Variants in SEMA3E observed in about 807,000 individuals in gnomAD.
SEMA3E encodes the protein semaphorin 3E.
SEMA3E carries 49 observed loss-of-function variants against 93.6 expected under a neutral mutation model. That is an observed-to-expected ratio of 0.52 (90% CI 0.42 to 0.66). The LOEUF (loss-of-function observed/expected upper bound fraction) is 0.66, where lower values mean the gene tolerates loss of function less well. Ranked by LOEUF, SEMA3E falls within the 30% of genes least tolerant of loss-of-function variation. SEMA3E has a pLI of 0.00. For synonymous variants in SEMA3E, 363 were observed against 330.7 expected (o/e 1.10, Z -1.06); for missense variants, 906 against 964.8 (o/e 0.94, Z 0.81).
At chr7:83,392,421 A>T in intron 14 of SEMA3E, 134 bp downstream of exon 14, 1 of 980,656 alleles carries the variant, frequency 1.0e-6, no homozygotes, top group Non-Finnish European at 1.5e-6. Flanking sequence ...GGTCAACAGC[A>T]TGTTCAGTGC....
At chr7:83,587,861 A>G (rs1006328320) in intron 1 of SEMA3E, among the ~76,000 whole-genome samples, 5 of 152,016 alleles carry the variant, frequency 3.3e-5, no homozygotes, top group African/African-American at 1.2e-4. Context: ...GTATTCAAGA[A>G]TGATTTATAT....
chr7:83,428,148 CA>C (rs1788810327), intron 4 of SEMA3E, among the ~76,000 whole-genome samples: 1 of 152,192 alleles, frequency 6.6e-6, no homozygotes, highest in Non-Finnish European at 1.5e-5. Context: ...CCTCAGAACC[CA>C]GAATGTCTGT....
chr7:83,499,953 G>C (rs970657730), intron 1 of SEMA3E, among the ~76,000 whole-genome samples: 4 of 152,142 alleles, frequency 2.6e-5, no homozygotes, highest in Admixed American at 2.6e-4. Flanking sequence ...TTCAACTGGC[G>C]AATTATGTGG....
At chr7:83,576,619 A>C (rs753789147) in intron 1 of SEMA3E, among the ~76,000 whole-genome samples, 5 of 151,822 alleles carry the variant, frequency 3.3e-5, no homozygotes, top group Admixed American at 6.6e-5. Context: ...CTATCTCTCT[A>C]TATATAATTT....
At chr7:83,603,848 T>A (rs1490752448) in intron 1 of SEMA3E, among the ~76,000 whole-genome samples, 1 of 152,180 alleles carries the variant, frequency 6.6e-6, no homozygotes, top group East Asian at 1.9e-4. Flanking sequence ...TAACAAGTGC[T>A]TATACAAGCA....
rs1791878266 is a variant in SEMA3E, at chr7:83,555,903, A to C, written c.116-65629T>G. ...ACCTTACTAAGGAATTTCCACACAG[A>C]GAGGGTCTATGTCATACCTCCAGCA... On this transcript the variant is annotated intron_variant, in intron 1 of 16. Transcript: ENST00000643230. Among the ~76,000 whole-genome samples the C allele has an allele frequency of 5.9e-5, 9 of 152,302 alleles. No individual in the cohort carries two copies. The South Asian group carries it at 1.9e-3, about 32-fold the overall frequency.
chr7:83,456,997 C>T (rs1029135427), intron 4 of SEMA3E, among the ~76,000 whole-genome samples: 2 of 151,980 alleles, frequency 1.3e-5, no homozygotes, highest in Admixed American at 1.3e-4. Context: ...ATTACTTATC[C>T]CCTTACTAAA....
At chr7:83,460,623 C>T (rs1164129053) in intron 4 of SEMA3E, among the ~76,000 whole-genome samples, 1 of 25,458 alleles carries the variant, frequency 3.9e-5, no homozygotes, top group Non-Finnish European at 1.4e-4. Flanking sequence ...TCTACCCCTT[C>T]TCTGCTTTTC....
At chr7:83,395,945 T>C (rs918203182) in intron 12 of SEMA3E, among the ~76,000 whole-genome samples, 1 of 152,138 alleles carries the variant, frequency 6.6e-6, no homozygotes, top group African/African-American at 2.4e-5. Flanking sequence ...TGCTGGAACA[T>C]AACCCTGTAT....
chr7:83,499,648 G>T (rs995350650), intron 1 of SEMA3E, among the ~76,000 whole-genome samples: 4 of 152,074 alleles, frequency 2.6e-5, no homozygotes, highest in African/African-American at 9.7e-5. Flanking sequence ...GTAGAAATTC[G>T]TGTATCACTT....
chr7:83,607,065 A>G (rs1404758680), intron 1 of SEMA3E, among the ~76,000 whole-genome samples: 1 of 152,192 alleles, frequency 6.6e-6, no homozygotes, highest in East Asian at 1.9e-4. Flanking sequence ...TGTTTGGTGC[A>G]ACTGGAAATA....
intron 4 of SEMA3E, among the ~76,000 whole-genome samples, chr7:83,438,648 G>A (rs903680852): frequency 1.5e-4 from 23 of 151,848 alleles, no homozygotes; most frequent in African/African-American, 5.3e-4. Flanking sequence ...ATAAGGCATA[G>A]CATATCCAAT....
chr7:83,400,884 A>C (rs570131149), intron 10 of SEMA3E, among the ~76,000 whole-genome samples: 51 of 152,264 alleles, frequency 3.3e-4, no homozygotes, highest in African/African-American at 1.2e-3. Flanking sequence ...CGTTGTGTTG[A>C]AACTTCTAAC....
chr7:83,631,366 T>A (rs1320562706), intron 1 of SEMA3E, among the ~76,000 whole-genome samples: 2 of 152,200 alleles, frequency 1.3e-5, no homozygotes, highest in African/African-American at 4.8e-5. Flanking sequence ...TTATATACTT[T>A]AATTAAAATT....
At chr7:83,385,564 T>C (rs986859300) in intron 15 of SEMA3E, 131 bp from the exon 16 acceptor site, 1 of 1,017,008 alleles carries the variant, frequency 9.8e-7, no homozygotes, top group Admixed American at 1.9e-5. Flanking sequence ...CAAAAGGTAA[T>C]TTAAAGGAAT....
chr7:83,454,272 A>AAAAATAT (rs1257792756), intron 4 of SEMA3E, among the ~76,000 whole-genome samples: 13 of 110,110 alleles, frequency 1.2e-4, no homozygotes, highest in African/African-American at 4.3e-4. Flanking sequence ...AAAAAAAAAA[A>AAAAATAT]ATATATATAT....
rs956921670 is a variant in SEMA3E, at chr7:83,367,154, T to G, written c.*432A>C. 1 of 204,772 alleles carries G rather than the reference T, an allele frequency of 4.9e-6. No homozygotes were observed. Among genetic ancestry groups the G allele is most frequent in the Admixed American group, 5.3e-5 (1 of 18,770 alleles). The allele number at this position is 204,772 out of a possible 1,614,324, so 12.7% of individuals were successfully genotyped here. ...TTCACATGAGAATGCCAAAGTATCT[T>G]GTATTCTGCATATCTTACATTGTGA... On this transcript the variant is annotated 3_prime_UTR_variant, in exon 17 of 17. Coordinates refer to ENST00000643230, the MANE Select transcript of SEMA3E (RefSeq NM_012431.3).
At chr7:83,639,108 CTCAAAAAAAAAA>C (rs1209464434) in intron 1 of SEMA3E, among the ~76,000 whole-genome samples, 5 of 33,696 alleles carry the variant, frequency 1.5e-4, no homozygotes, top group South Asian at 2.2e-3. Flanking sequence ...GAGACTCCGT[CTCAAAAAAAAAA>C]AAAAAAAAAA....
At chr7:83,581,635 C>G (rs1049675748) in intron 1 of SEMA3E, among the ~76,000 whole-genome samples, 1 of 151,880 alleles carries the variant, frequency 6.6e-6, no homozygotes, top group African/African-American at 2.4e-5. Context: ...TAGCTTAAAT[C>G]AAAAATAAAT....
Sources: gnomAD v4.1 joint callset for allele counts (sites outside exome capture counted in the v4.1 genomes callset) on GRCh38, gnomAD v4.1.1 for gene constraint, MANE v1.5 for transcripts, NCBI Gene and HGNC (gene_info 2026-07-23, HGNC 2026-07-21) for gene names.